Variants in ADGRB3 observed in about 807,000 individuals in gnomAD.
ADGRB3 encodes brain-specific angiogenesis inhibitor 3.
A neutral mutation model predicts 193.4 loss-of-function variants in ADGRB3; 37 were observed. The ratio of observed to expected loss-of-function variants is 0.19; its 90% CI spans 0.15 to 0.25. The LOEUF is 0.25. ADGRB3 is among the 10% of genes least tolerant of loss of function. The probability of loss-of-function intolerance (pLI) is 1.00; values close to 1 mark genes in which losing one functional copy is unlikely to be tolerated. For synonymous variants in ADGRB3, 690 were observed against 644.2 expected (o/e 1.07, Z -1.08); for missense variants, 1,637 against 1,852.9 (o/e 0.88, Z 2.14).
At chr6:68,925,879 A>G (rs1582320226) in intron 3 of ADGRB3, among the ~76,000 whole-genome samples, 2 of 152,042 alleles carry the variant, frequency 1.3e-5, no homozygotes, top group South Asian at 2.1e-4. Flanking sequence ...ACACTAATTA[A>G]TAAATGTTTA....
chr6:69,324,192 A>G (rs1444495619), intron 20 of ADGRB3, among the ~76,000 whole-genome samples: 1 of 152,114 alleles, frequency 6.6e-6, no homozygotes, highest in Non-Finnish European at 1.5e-5. Context: ...ATATCTATAA[A>G]ATCTTAGCCC....
intron 3 of ADGRB3, among the ~76,000 whole-genome samples, chr6:68,815,893 T>A (rs1384685103): frequency 6.6e-6 from 1 of 152,104 alleles, no homozygotes; most frequent in Admixed American, 6.6e-5. Flanking sequence ...ACACTGGTTT[T>A]AATAAAACTT....
chr6:68,791,486 T>G (rs560474963), intron 3 of ADGRB3, among the ~76,000 whole-genome samples: 14 of 152,314 alleles, frequency 9.2e-5, no homozygotes, highest in Admixed American at 7.2e-4. Flanking sequence ...GGAACTTGAC[T>G]GTTTAGGAAA....
chr6:69,094,376 C>T (rs1363907485), intron 17 of ADGRB3, among the ~76,000 whole-genome samples: 1 of 152,192 alleles, frequency 6.6e-6, no homozygotes, highest in African/African-American at 2.4e-5. Flanking sequence ...CTTTCCAAAG[C>T]TTTTCACTTA....
chr6:68,783,826 C>A (rs919606424), intron 3 of ADGRB3, among the ~76,000 whole-genome samples: 1 of 151,996 alleles, frequency 6.6e-6, no homozygotes, highest in African/African-American at 2.4e-5. Flanking sequence ...TTGTAGAGTG[C>A]ATGATCATTG....
At chr6:69,103,584 C>A (rs1290317192) in intron 17 of ADGRB3, among the ~76,000 whole-genome samples, 1 of 151,864 alleles carries the variant, frequency 6.6e-6, no homozygotes, top group Non-Finnish European at 1.5e-5. Context: ...AAAAATCTTT[C>A]ATCTATCTTA....
intron 23 of ADGRB3, among the ~76,000 whole-genome samples, chr6:69,331,299 G>T (rs548140885): frequency 1.2e-4 from 19 of 152,134 alleles, no homozygotes; most frequent in African/African-American, 4.6e-4. Context: ...CTTCCAATTT[G>T]CCTTTCTCTT....
At position 68,639,050 on chromosome 6, in the gene ADGRB3, A is replaced by G. The variant is rs1014728193; in HGVS notation, c.375A>G (p.Lys125=). 6.8e-6 allele frequency: 11 copies of G among 1,613,674 alleles called. No homozygotes were observed. The highest frequency in any genetic ancestry group is 8.5e-6 in the Non-Finnish European group (10 of 1,179,890). Residue 125 remains lysine, a synonymous_variant, in exon 3 of 32, where the codon AAA becomes AAG. Coordinates refer to ENST00000370598, the MANE Select transcript of ADGRB3 (RefSeq NM_001704.3). Reference sequence around the variant, plus strand: ...CTTTCGTTTTTCTACAGTATGATAAAAATTTTATTCAAATACGTCGAGTAT... The same window carrying G: ...CTTTCGTTTTTCTACAGTATGATAAGAATTTTATTCAAATACGTCGAGTAT... ...KNAFVFLQYD[K]NFIQIRRVFP...
chr6:68,886,513 A>G (rs1765911840), intron 3 of ADGRB3, among the ~76,000 whole-genome samples: 1 of 152,112 alleles, frequency 6.6e-6, no homozygotes. Flanking sequence ...CCAATATCAT[A>G]GATACACCTA....
intron 17 of ADGRB3, among the ~76,000 whole-genome samples, chr6:69,082,342 C>G (rs1225645094): frequency 6.6e-6 from 1 of 151,990 alleles, no homozygotes; most frequent in Non-Finnish European, 1.5e-5. Flanking sequence ...GGATCAATAT[C>G]TCCATTAGTT....
chr6:68,867,756 A>G (rs1452150445), intron 3 of ADGRB3, among the ~76,000 whole-genome samples: 1 of 152,174 alleles, frequency 6.6e-6, no homozygotes, highest in Non-Finnish European at 1.5e-5. Context: ...TATGTGAGAC[A>G]TGACGTCAAA....
rs776580421 is a variant in ADGRB3 at position 68,652,040 on chromosome 6, T to C, written c.757+12608T>C. Among the ~76,000 whole-genome samples, 12 of 152,212 alleles carry C rather than the reference T, an allele frequency of 7.9e-5. 1 individual carries two copies. Among genetic ancestry groups the C allele is most frequent in the Admixed American group, 3.3e-4 (5 of 15,276 alleles). ...GCCTGCATATCTATCTGTGCTTAATTTTTTTCCATACTCTGCTCTTCCCCA... is the reference window on the plus strand; with the variant it reads ...GCCTGCATATCTATCTGTGCTTAATCTTTTTCCATACTCTGCTCTTCCCCA... On this transcript the variant is annotated intron_variant, in intron 3 of 31. Transcript: ENST00000370598.
At chr6:68,907,275 C>T (rs189799703) in intron 3 of ADGRB3, among the ~76,000 whole-genome samples, 100 of 152,026 alleles carry the variant, frequency 6.6e-4, no homozygotes, top group African/African-American at 2.3e-3. Context: ...TATTCAGACA[C>T]AATGAAATTA....
intron 3 of ADGRB3, among the ~76,000 whole-genome samples, chr6:68,660,457 T>C (rs1768601315): frequency 6.6e-6 from 1 of 150,914 alleles, no homozygotes; most frequent in South Asian, 2.1e-4. Flanking sequence ...TGAATAATCA[T>C]TATACACACA....
intron 3 of ADGRB3, among the ~76,000 whole-genome samples, chr6:68,811,451 G>T (rs890315401): frequency 6.6e-6 from 1 of 151,966 alleles, no homozygotes. Context: ...AATTAATGAG[G>T]TAGATGATTC....
intron 6 of ADGRB3, 93 bp from the exon 7 acceptor site, chr6:68,955,931 G>T: frequency 7.7e-7 from 1 of 1,291,444 alleles, no homozygotes; most frequent in Non-Finnish European, 1.1e-6. Context: ...ATTGATTGGG[G>T]TTCATCTTCA....
intron 3 of ADGRB3, among the ~76,000 whole-genome samples, chr6:68,787,124 T>C (rs1766991782): frequency 1.3e-5 from 2 of 152,182 alleles, no homozygotes; most frequent in Admixed American, 1.3e-4. Context: ...CTTCCTCTTT[T>C]CCTAATTGAA....
At chr6:69,104,269 G>A (rs539759282) in intron 17 of ADGRB3, among the ~76,000 whole-genome samples, 2 of 144,988 alleles carry the variant, frequency 1.4e-5, no homozygotes, top group Admixed American at 1.5e-4. Flanking sequence ...TCCCACCTAT[G>A]AGTGAGAATA....
At chr6:69,346,017 A>G (rs1457329589) in intron 26 of ADGRB3, among the ~76,000 whole-genome samples, 1 of 152,206 alleles carries the variant, frequency 6.6e-6, no homozygotes, top group Non-Finnish European at 1.5e-5. Context: ...TGCTACAAAG[A>G]GAATAAAATA....
Sources: allele counts gnomAD v4.1 joint callset (sites outside exome capture counted in the v4.1 genomes callset), GRCh38; gene constraint gnomAD v4.1.1; transcripts MANE v1.5; gene names NCBI Gene and HGNC (gene_info 2026-07-23, HGNC 2026-07-21).